SCML2: variants seen among roughly 807,000 people sequenced by gnomAD.
SCML2 encodes sex comb on midleg-like protein 2.
A neutral mutation model predicts 48.4 loss-of-function variants in SCML2; 6 were observed. The ratio of observed to expected loss-of-function variants is 0.12; its 90% CI spans 0.07 to 0.24. The LOEUF is 0.24. SCML2 is among the 10% of genes least tolerant of loss of function. SCML2 has a pLI of 1.00. For missense variants in SCML2, 377 were observed against 528.2 expected, an observed-to-expected ratio of 0.71 and a Z score of 2.81; for synonymous variants, 181 against 189.5, an observed-to-expected ratio of 0.95 and a Z score of 0.37.
At chrX:18,279,838 C>T (rs753740392) in intron 7 of SCML2, among the ~76,000 whole-genome samples, 7 of 111,868 alleles carry the variant, frequency 6.3e-5, no homozygotes, top group South Asian at 3.8e-4. Flanking sequence ...TTTTTAAAAA[C>T]GAACAAAATC....
intron 7 of SCML2, among the ~76,000 whole-genome samples, chrX:18,270,172 C>T (rs1320224691): frequency 9.2e-6 from 1 of 108,419 alleles, no homozygotes; most frequent in Non-Finnish European, 1.9e-5. Context: ...GGACTACAGG[C>T]GCGTGCCACC....
chrX:18,283,498 A>G (rs57651024), intron 7 of SCML2, among the ~76,000 whole-genome samples: 4,205 of 112,097 alleles, frequency 0.038, 206 homozygotes, highest in African/African-American at 0.13. Context: ...AAGTCAAACT[A>G]TCTCTCTTCA....
intron 13 of SCML2, 66 bp downstream of exon 13, chrX:18,246,511 G>A: frequency 9.1e-7 from 1 of 1,102,224 alleles, no homozygotes; most frequent in Non-Finnish European, 1.2e-6. Context: ...CTCAGGGGAT[G>A]CTGTTAGGTA....
chrX:18,298,187 C>T (rs1159395658), intron 7 of SCML2, among the ~76,000 whole-genome samples: 1 of 111,747 alleles, frequency 8.9e-6, no homozygotes, highest in Non-Finnish European at 1.9e-5. Flanking sequence ...AAAATGAACA[C>T]ACTACCCAAA....
At chrX:18,253,549 A>T (rs1926739243) in intron 11 of SCML2, among the ~76,000 whole-genome samples, 1 of 111,934 alleles carries the variant, frequency 8.9e-6, no homozygotes, top group African/African-American at 3.2e-5. Flanking sequence ...TAATCTATTT[A>T]AAAAAGCAGA....
intron 7 of SCML2, among the ~76,000 whole-genome samples, chrX:18,303,332 G>C (rs779895557): frequency 1.8e-5 from 2 of 111,812 alleles, no homozygotes; most frequent in Non-Finnish European, 3.8e-5. Context: ...AGCATTCTCA[G>C]CCACACGTTC....
At chrX:18,265,412 A>G (rs1031762018) in intron 8 of SCML2, among the ~76,000 whole-genome samples, 173 bp downstream of exon 8, 1 of 112,735 alleles carries the variant, frequency 8.9e-6, no homozygotes, top group African/African-American at 3.2e-5. Flanking sequence ...AGTTTGCCCA[A>G]GCAAAGAAAT....
At chrX:18,261,199 T>C (rs1375119287) in intron 8 of SCML2, among the ~76,000 whole-genome samples, 2 of 107,117 alleles carry the variant, frequency 1.9e-5, no homozygotes, top group East Asian at 2.9e-4. Context: ...TGTCTTGCTA[T>C]GTTGCCCTGG....
chrX:18,351,213 T>G (rs1930364902), intron 1 of SCML2, among the ~76,000 whole-genome samples: 1 of 107,752 alleles, frequency 9.3e-6, no homozygotes, highest in East Asian at 2.9e-4. Context: ...GAAGCTGCAG[T>G]GGGCTGAGAT....
At chrX:18,294,540 C>A (rs1928328765) in intron 7 of SCML2, among the ~76,000 whole-genome samples, 1 of 111,007 alleles carries the variant, frequency 9.0e-6, no homozygotes, top group Admixed American at 9.6e-5. Context: ...CGTCCCAAGT[C>A]CTAAGCAACT....
intron 2 of SCML2, among the ~76,000 whole-genome samples, chrX:18,333,150 G>A (rs1263809107): frequency 5.5e-5 from 6 of 109,543 alleles, no homozygotes; most frequent in Admixed American, 2.0e-4. Flanking sequence ...GGTAGCTCAC[G>A]TCTGTGGCCC....
At chrX:18,290,836 T>A (rs976896914) in intron 7 of SCML2, among the ~76,000 whole-genome samples, 1 of 111,306 alleles carries the variant, frequency 9.0e-6, no homozygotes, top group Admixed American at 9.6e-5. Context: ...TAGTCCTAGT[T>A]CTGATTCTAA....
At chrX:18,244,443 T>C (rs1362835763) in intron 13 of SCML2, among the ~76,000 whole-genome samples, 1 of 112,266 alleles carries the variant, frequency 8.9e-6, no homozygotes, top group Non-Finnish European at 1.9e-5. Context: ...GCAAATAAAC[T>C]ATATGTAAAA....
At position 18,337,731 on chromosome X, in the gene SCML2, G is replaced by A. The variant is rs192410733; in HGVS notation, c.-24-3636C>T. On this transcript the variant is annotated intron_variant, in intron 1 of 14. Coordinates refer to ENST00000251900, the MANE Select transcript of SCML2 (RefSeq NM_006089.3). ...ATCTAGCAGGCAGAAAATCGGCGAG[G>A]ACATAGTTGAACTCAACATCATCAG... 9.0e-5 allele frequency among the ~76,000 whole-genome samples: 10 copies of A among 111,647 alleles called. No homozygotes were observed. In the East Asian group the frequency reaches 2.8e-3, roughly 31 times the overall value.
intron 11 of SCML2, among the ~76,000 whole-genome samples, chrX:18,249,068 T>C (rs1926553792): frequency 8.9e-6 from 1 of 111,808 alleles, no homozygotes; most frequent in Admixed American, 9.6e-5. Context: ...ATTTTTTAAA[T>C]CATCAGAGAA....
chrX:18,266,147 T>G (rs1441244798), intron 7 of SCML2, among the ~76,000 whole-genome samples: 1 of 111,182 alleles, frequency 9.0e-6, no homozygotes, highest in South Asian at 3.8e-4. Flanking sequence ...GAATACACTA[T>G]CCAATTATGT....
At chrX:18,352,947 G>A (rs1930419854) in intron 1 of SCML2, among the ~76,000 whole-genome samples, 1 of 111,277 alleles carries the variant, frequency 9.0e-6, no homozygotes, top group African/African-American at 3.3e-5. Flanking sequence ...TATATATAAA[G>A]TTCATTCAAA....
At chrX:18,317,022 G>A (rs1031049904) in intron 6 of SCML2, among the ~76,000 whole-genome samples, 1 of 111,876 alleles carries the variant, frequency 8.9e-6, no homozygotes, top group Non-Finnish European at 1.9e-5. Context: ...AATACCCTTT[G>A]GGGATGCAAT....
intron 7 of SCML2, among the ~76,000 whole-genome samples, chrX:18,267,542 G>A (rs1319694726): frequency 9.1e-6 from 1 of 110,183 alleles, no homozygotes; most frequent in African/African-American, 3.3e-5. Context: ...AATATCTCAC[G>A]CTTTGAAGGC....
Sources: gnomAD v4.1 joint callset for allele counts (sites outside exome capture counted in the v4.1 genomes callset) on GRCh38, gnomAD v4.1.1 for gene constraint, MANE v1.5 for transcripts, NCBI Gene and HGNC (gene_info 2026-07-23, HGNC 2026-07-21) for gene names.